GRXCR2: variants seen among roughly 807,000 people sequenced by gnomAD.
The protein encoded by GRXCR2 is glutaredoxin domain-containing cysteine-rich protein 2.
In GRXCR2, 23 loss-of-function variants were observed where a neutral mutation model predicts 24.8. The ratio of observed to expected loss-of-function variants is 0.93; its 90% CI spans 0.67 to 1.32. The LOEUF is 1.32. Among genes scored for constraint, GRXCR2 ranks in the 40% most tolerant of loss-of-function variants. The probability of loss-of-function intolerance (pLI) is 0.00; values close to 1 mark genes in which losing one functional copy is unlikely to be tolerated. For synonymous variants in GRXCR2, 130 were observed against 116.1 expected (o/e 1.12, Z -0.77); for missense variants, 315 against 303.4 (o/e 1.04, Z -0.28).
At chr5:145,911,134 G>A (rs1332157688) in intron 2 of GRXCR2, among the ~76,000 whole-genome samples, 1 of 152,082 alleles carries the variant, frequency 6.6e-6, no homozygotes, top group African/African-American at 2.4e-5. Flanking sequence ...TGATGATTTG[G>A]TATATGTTGT....
chr5:145,859,860 G>A lies in GRXCR2; in HGVS notation c.620C>T (p.Thr207Ile), dbSNP rs778713809. 2 of 1,611,888 alleles carry A rather than the reference G, an allele frequency of 1.2e-6. No individual in the cohort carries two copies. The highest frequency in any genetic ancestry group is 2.2e-5 in the South Asian group (2 of 90,854). Residue 207 changes from threonine to isoleucine, a missense_variant, in exon 3 of 3, where the codon ACC becomes ATC. Coordinates refer to ENST00000377976, the MANE Select transcript of GRXCR2 (RefSeq NM_001080516.2). ...CTTGCTGCCGTGGCACAGAGAGCAG[G>A]TGGCACTGCCCGACCCTCGGCAGTG... ...CFHCRGSGSA[T>I]CSLCHGSKFS...
chr5:145,918,860 G>A (rs1344726527), intron 2 of GRXCR2, among the ~76,000 whole-genome samples: 3 of 152,078 alleles, frequency 2.0e-5, no homozygotes, highest in Non-Finnish European at 4.4e-5. Flanking sequence ...CACTACCTTC[G>A]TGCCTGGGAC....
intron 2 of GRXCR2, among the ~76,000 whole-genome samples, chr5:145,882,686 G>A (rs191337198): frequency 6.6e-6 from 1 of 152,118 alleles, no homozygotes; most frequent in Admixed American, 6.5e-5. Context: ...ATACCCAAAG[G>A]ATTATAAATC....
chr5:145,923,248 T>C (rs1451857013), intron 2 of GRXCR2, among the ~76,000 whole-genome samples: 1 of 152,210 alleles, frequency 6.6e-6, no homozygotes, highest in Non-Finnish European at 1.5e-5. Context: ...ACTTTACATA[T>C]AATAAGTGTC....
At chr5:145,927,330 G>A (rs1338536868) in intron 2 of GRXCR2, among the ~76,000 whole-genome samples, 1 of 152,124 alleles carries the variant, frequency 6.6e-6, no homozygotes, top group Non-Finnish European at 1.5e-5. Flanking sequence ...AATGCTTCCT[G>A]TTTTTGCCCA....
chr5:145,903,648 T>G (rs1295388724), intron 2 of GRXCR2, among the ~76,000 whole-genome samples: 2 of 152,108 alleles, frequency 1.3e-5, no homozygotes, highest in Non-Finnish European at 2.9e-5. Flanking sequence ...TGGGTTTGAG[T>G]AAATAAACTC....
At chr5:145,930,702 T>C (rs1438280665) in intron 2 of GRXCR2, among the ~76,000 whole-genome samples, 1 of 152,212 alleles carries the variant, frequency 6.6e-6, no homozygotes, top group Non-Finnish European at 1.5e-5. Context: ...AGCAATCACA[T>C]GGCCTAGCAT....
intron 2 of GRXCR2, among the ~76,000 whole-genome samples, chr5:145,929,180 A>T (rs1757445068): frequency 8.7e-6 from 1 of 115,252 alleles, no homozygotes; most frequent in Admixed American, 9.7e-5. Context: ...CATTTTTAAT[A>T]GTTGTATAAT....
chr5:145,928,907 A>T (rs1376325138), intron 2 of GRXCR2, among the ~76,000 whole-genome samples: 2 of 151,952 alleles, frequency 1.3e-5, no homozygotes, highest in Non-Finnish European at 2.9e-5. Context: ...AGTATAATAA[A>T]AAAAAAGTAT....
At chr5:145,898,510 T>G (rs546740882) in intron 2 of GRXCR2, among the ~76,000 whole-genome samples, 1 of 152,212 alleles carries the variant, frequency 6.6e-6, no homozygotes, top group South Asian at 2.1e-4. Flanking sequence ...ATATCCCTGA[T>G]GAATATACAT....
At chr5:145,916,674 T>C (rs955819389) in intron 2 of GRXCR2, among the ~76,000 whole-genome samples, 8 of 152,214 alleles carry the variant, frequency 5.3e-5, no homozygotes, top group Non-Finnish European at 1.0e-4. Flanking sequence ...AAGAAGGATA[T>C]AGACATAGCT....
intron 2 of GRXCR2, among the ~76,000 whole-genome samples, chr5:145,889,769 T>C (rs1756837086): frequency 6.6e-6 from 1 of 152,044 alleles, no homozygotes; most frequent in South Asian, 2.1e-4. Context: ...AAAGCATGGA[T>C]TGCAAGAAAG....
At chr5:145,905,090 G>C (rs750260788) in intron 2 of GRXCR2, among the ~76,000 whole-genome samples, 1 of 152,200 alleles carries the variant, frequency 6.6e-6, no homozygotes, top group South Asian at 2.1e-4. Context: ...ACCCAAGAGA[G>C]TGATTACCAA....
At chr5:145,924,360 T>C (rs527431724) in intron 2 of GRXCR2, among the ~76,000 whole-genome samples, 12 of 152,326 alleles carry the variant, frequency 7.9e-5, no homozygotes, top group African/African-American at 2.6e-4. Flanking sequence ...TTTATCGAAA[T>C]GTTTATGTCT....
chr5:145,927,247 G>A (rs1034898581), intron 2 of GRXCR2, among the ~76,000 whole-genome samples: 4 of 151,936 alleles, frequency 2.6e-5, no homozygotes, highest in East Asian at 1.9e-4. Context: ...TTGCCCTGGC[G>A]AGAACTTTCA....
In GRXCR2 at chr5:145,925,021, G is replaced by A. The variant is rs182892444; in HGVS notation, c.-70+10680C>T. Among the ~76,000 whole-genome samples the A allele has an allele frequency of 5.7e-3, 872 of 152,254 alleles. 6 individuals carry two copies. Among genetic ancestry groups the A allele is most frequent in the African/African-American group, 0.02 (827 of 41,544 alleles). On this transcript the variant is annotated intron_variant, in intron 2 of 3. Coordinates refer to the GRXCR2 transcript ENST00000639411. ...TAAGAGGCCTGATAAGGAGAAAATG[G>A]CTAACCTTTACTGAGCACTTACTCC...
In GRXCR2 at chr5:145,858,908, C is replaced by T. The variant is rs1484983879; in HGVS notation, c.*825G>A. On this transcript the variant is annotated 3_prime_UTR_variant, in exon 3 of 3. Coordinates refer to ENST00000377976, the MANE Select transcript of GRXCR2 (RefSeq NM_001080516.2). ...GGTAATCTATAAAATACCTGCAGTC[C>T]TTTATGAAGAGATCATGGCTAGGTT... The T allele has an allele frequency of 6.6e-6, 1 of 152,042 alleles. No homozygotes were observed. Among genetic ancestry groups the T allele is most frequent in the Non-Finnish European group, 1.5e-5 (1 of 68,010 alleles). The allele number at this position is 152,042 out of a possible 1,614,324, so 9.4% of individuals were successfully genotyped here.
chr5:145,858,792 A>G lies in GRXCR2; in HGVS notation c.*941T>C, dbSNP rs1756282194. ...TTATAACCAACCTCAAGAGGAAAGA[A>G]TCATCCTTACTATGCATATTCATGG... On this transcript the variant is annotated 3_prime_UTR_variant, in exon 3 of 3. Coordinates refer to ENST00000377976, the MANE Select transcript of GRXCR2 (RefSeq NM_001080516.2). The G allele has an allele frequency of 1.3e-5, 2 of 152,200 alleles. No homozygotes were observed. The highest frequency in any genetic ancestry group is 4.1e-4 in the South Asian group (2 of 4,834). The allele number at this position is 152,200 out of a possible 1,614,324, so 9.4% of individuals were successfully genotyped here.
chr5:145,900,154 A>C (rs546573754), intron 2 of GRXCR2, among the ~76,000 whole-genome samples: 1 of 151,924 alleles, frequency 6.6e-6, no homozygotes, highest in African/African-American at 2.4e-5. Context: ...GTAATCCCCA[A>C]TGTTGGAGGA....
Sources: allele counts gnomAD v4.1 joint callset (sites outside exome capture counted in the v4.1 genomes callset), GRCh38; gene constraint gnomAD v4.1.1; transcripts MANE v1.5; gene names NCBI Gene and HGNC (gene_info 2026-07-23, HGNC 2026-07-21).